Variants in CSMD3 observed in about 807,000 individuals in gnomAD.
The protein encoded by CSMD3 is CUB and sushi domain-containing protein 3.
In CSMD3, 177 loss-of-function variants were observed where a neutral mutation model predicts 435.2. That is an observed-to-expected ratio of 0.41 (90% CI 0.36 to 0.46). The LOEUF (loss-of-function observed/expected upper bound fraction) is 0.46. Ranked by LOEUF, CSMD3 falls within the 20% of genes least tolerant of loss-of-function variation. The pLI is 0.34. For missense variants in CSMD3, 4,265 were observed against 4,504.6 expected (o/e 0.95, Z 1.52); for synonymous variants, 1,656 against 1,520.5 (o/e 1.09, Z -2.07).
At chr8:112,635,389 T>C (rs559115134) in intron 22 of CSMD3, among the ~76,000 whole-genome samples, 3 of 152,070 alleles carry the variant, frequency 2.0e-5, no homozygotes, top group Admixed American at 1.3e-4. Flanking sequence ...ACTTGGACTA[T>C]TCCAAAGGTT....
intron 32 of CSMD3, among the ~76,000 whole-genome samples, chr8:112,416,310 C>T (rs1378368521): frequency 6.6e-6 from 1 of 152,078 alleles, no homozygotes; most frequent in African/African-American, 2.4e-5. Flanking sequence ...ATCCTGCCAC[C>T]CTGTGAAGAA....
At chr8:112,669,306 C>T (rs1250343302) in intron 16 of CSMD3, among the ~76,000 whole-genome samples, 1 of 152,072 alleles carries the variant, frequency 6.6e-6, no homozygotes, top group Non-Finnish European at 1.5e-5. Flanking sequence ...GCTGGGATTA[C>T]AGGCATGAGC....
chr8:112,283,750 C>T (rs956595717), intron 58 of CSMD3, among the ~76,000 whole-genome samples: 3 of 151,606 alleles, frequency 2.0e-5, no homozygotes, highest in Non-Finnish European at 4.4e-5. Context: ...TTAGATATAA[C>T]ATACTAGAAC....
intron 4 of CSMD3, among the ~76,000 whole-genome samples, chr8:113,119,456 C>T (rs549234822): frequency 1.3e-5 from 2 of 152,182 alleles, no homozygotes; most frequent in South Asian, 4.2e-4. Flanking sequence ...TCAAAAAAAG[C>T]CATCTAAGAG....
intron 38 of CSMD3, among the ~76,000 whole-genome samples, chr8:112,365,340 T>G (rs1827664578): frequency 6.6e-6 from 1 of 151,636 alleles, no homozygotes; most frequent in Non-Finnish European, 1.5e-5. Context: ...TAGCACAAAA[T>G]CAGTAGAAGA....
chr8:113,022,283 AT>A (rs1489809176), intron 5 of CSMD3, among the ~76,000 whole-genome samples: 1 of 152,142 alleles, frequency 6.6e-6, no homozygotes, highest in Non-Finnish European at 1.5e-5. Flanking sequence ...CACTGTGGTC[AT>A]TTAAGAGTAA....
intron 27 of CSMD3, among the ~76,000 whole-genome samples, chr8:112,519,920 G>T (rs1294727483): frequency 1.3e-5 from 2 of 152,010 alleles, no homozygotes; most frequent in East Asian, 1.9e-4. Context: ...TCAACGATAT[G>T]GTTATTTAAA....
At chr8:112,533,908 T>C (rs1198919159) in intron 27 of CSMD3, among the ~76,000 whole-genome samples, 1 of 152,026 alleles carries the variant, frequency 6.6e-6, no homozygotes, top group African/African-American at 2.4e-5. Flanking sequence ...AATATTTGAA[T>C]CATCTTTTCT....
intron 6 of CSMD3, among the ~76,000 whole-genome samples, chr8:112,990,379 T>C (rs569185970): frequency 1.4e-4 from 22 of 151,980 alleles, no homozygotes; most frequent in African/African-American, 5.3e-4. Flanking sequence ...TAATGAAGCG[T>C]TCTGTTTTAA....
intron 35 of CSMD3, among the ~76,000 whole-genome samples, chr8:112,393,638 C>T (rs1288884694): frequency 2.0e-5 from 3 of 152,180 alleles, no homozygotes; most frequent in Non-Finnish European, 4.4e-5. Flanking sequence ...CAAGCTATCT[C>T]CTCTTCCTCC....
At chr8:113,051,907 A>G (rs1423848960) in intron 5 of CSMD3, among the ~76,000 whole-genome samples, 1 of 152,250 alleles carries the variant, frequency 6.6e-6, no homozygotes, top group African/African-American at 2.4e-5. Flanking sequence ...CTATGAAAAG[A>G]GGAAATGTTT....
At chr8:113,296,308 T>TAAC (rs1326953988) in intron 2 of CSMD3, among the ~76,000 whole-genome samples, 2 of 150,218 alleles carry the variant, frequency 1.3e-5, no homozygotes, top group Admixed American at 6.7e-5. Context: ...ATAATAATAA[T>TAAC]AATAATAATA....
intron 43 of CSMD3, among the ~76,000 whole-genome samples, chr8:112,337,327 A>G (rs1011176171): frequency 2.0e-5 from 3 of 152,108 alleles, no homozygotes; most frequent in Admixed American, 6.6e-5. Context: ...AGTGTGAATC[A>G]ACTATTTTTT....
chr8:112,523,186 A>G (rs1824482463), intron 27 of CSMD3, among the ~76,000 whole-genome samples: 1 of 151,988 alleles, frequency 6.6e-6, no homozygotes, highest in Non-Finnish European at 1.5e-5. Context: ...TAATGATATC[A>G]GAAGCAGGAG....
chr8:113,406,033 G>A (rs1380670936), intron 1 of CSMD3, among the ~76,000 whole-genome samples: 1 of 151,754 alleles, frequency 6.6e-6, no homozygotes, highest in Non-Finnish European at 1.5e-5. Context: ...AAATCATAAG[G>A]ATAAGAGGTG....
intron 2 of CSMD3, among the ~76,000 whole-genome samples, chr8:113,309,009 T>C (rs1052746305): frequency 6.6e-5 from 10 of 152,096 alleles, no homozygotes; most frequent in Admixed American, 4.6e-4. Flanking sequence ...AGTGCAGTGG[T>C]GCAGTCTCTG....
At chr8:113,027,066 C>T (rs1227796513) in intron 5 of CSMD3, among the ~76,000 whole-genome samples, 1 of 152,078 alleles carries the variant, frequency 6.6e-6, no homozygotes, top group African/African-American at 2.4e-5. Flanking sequence ...CATTAGCAAC[C>T]AAAAATGCCT....
chr8:112,295,063 T>C (rs563135658), intron 54 of CSMD3, among the ~76,000 whole-genome samples: 6 of 152,172 alleles, frequency 3.9e-5, no homozygotes, highest in African/African-American at 1.4e-4. Context: ...TGCTACTCTT[T>C]CTCCCTAGTC....
intron 31 of CSMD3, among the ~76,000 whole-genome samples, chr8:112,475,748 C>T (rs1818982111): frequency 6.6e-6 from 1 of 152,108 alleles, no homozygotes; most frequent in Non-Finnish European, 1.5e-5. Flanking sequence ...TCTCCAGAAG[C>T]TTTTTATATT....
Sources: allele counts gnomAD v4.1 joint callset (sites outside exome capture counted in the v4.1 genomes callset), GRCh38; gene constraint gnomAD v4.1.1; transcripts MANE v1.5; gene names NCBI Gene and HGNC (gene_info 2026-07-23, HGNC 2026-07-21).